PCNX2: variants seen among roughly 807,000 people sequenced by gnomAD.
The protein encoded by PCNX2 is pecanex-like protein 2.
In PCNX2, 168 loss-of-function variants were observed where a neutral mutation model predicts 223.8. That is an observed-to-expected ratio of 0.75 (90% CI 0.66 to 0.85). The LOEUF is 0.85. Among genes scored for constraint, PCNX2 ranks in the 40% least tolerant of loss-of-function variants. The probability of loss-of-function intolerance (pLI) is 0.00; values close to 1 mark genes in which losing one functional copy is unlikely to be tolerated. For synonymous variants in PCNX2, 1,006 were observed against 1,052.6 expected, an observed-to-expected ratio of 0.96 and a Z score of 0.86; for missense variants, 2,507 against 2,675.5, an observed-to-expected ratio of 0.94 and a Z score of 1.39.
At chr1:233,173,063 T>C (rs1358478023) in intron 17 of PCNX2, among the ~76,000 whole-genome samples, 2 of 152,204 alleles carry the variant, frequency 1.3e-5, no homozygotes, top group Non-Finnish European at 2.9e-5. Flanking sequence ...ACATAATACA[T>C]TCATAAAAGA....
At chr1:233,137,690 T>A (rs938523088) in intron 20 of PCNX2, among the ~76,000 whole-genome samples, 4 of 152,166 alleles carry the variant, frequency 2.6e-5, no homozygotes, top group Admixed American at 2.6e-4. Flanking sequence ...AGACTGCACT[T>A]AGCTGAAGGT....
At chr1:233,203,708 T>C (rs1486130309) in intron 13 of PCNX2, among the ~76,000 whole-genome samples, 1 of 152,190 alleles carries the variant, frequency 6.6e-6, no homozygotes, top group African/African-American at 2.4e-5. Context: ...ATTTGATCTC[T>C]TCTGCACAAG....
intron 8 of PCNX2, among the ~76,000 whole-genome samples, chr1:233,244,531 CA>C (rs1459016881): frequency 2.0e-5 from 3 of 151,992 alleles, no homozygotes; most frequent in Non-Finnish European, 4.4e-5. Flanking sequence ...GCCAACATGA[CA>C]AAACCCCGTC....
intron 26 of PCNX2, among the ~76,000 whole-genome samples, chr1:233,024,909 A>G (rs1230123831): frequency 6.6e-6 from 1 of 152,230 alleles, no homozygotes; most frequent in African/African-American, 2.4e-5. Context: ...GACCTAGATA[A>G]GAAAACAAAC....
At chr1:233,301,027 T>C in the PCNX2 span, among the ~76,000 whole-genome samples, 1 of 152,118 alleles carries the variant, frequency 6.6e-6, no homozygotes, top group East Asian at 1.9e-4. Flanking sequence ...GTAGGAGAAG[T>C]CATACCTGCT....
intron 15 of PCNX2, among the ~76,000 whole-genome samples, chr1:233,181,853 C>G (rs1679821751): frequency 6.6e-6 from 1 of 152,226 alleles, no homozygotes; most frequent in African/African-American, 2.4e-5. Context: ...AATCACCTCA[C>G]AAAGCCCTCG....
chr1:233,255,858 TATA>T (rs1659707358), intron 5 of PCNX2, among the ~76,000 whole-genome samples: 1 of 152,202 alleles, frequency 6.6e-6, no homozygotes, highest in Non-Finnish European at 1.5e-5. Context: ...GTTTTCAGAT[TATA>T]ATAACAAATA....
chr1:233,092,852 G>A (rs1360926569), intron 22 of PCNX2, among the ~76,000 whole-genome samples: 1 of 152,168 alleles, frequency 6.6e-6, no homozygotes, highest in Non-Finnish European at 1.5e-5. Flanking sequence ...AGGCTAGAGT[G>A]CGGTGGCACC....
intron 23 of PCNX2, among the ~76,000 whole-genome samples, chr1:233,070,350 CTATT>C (rs1672800451): frequency 6.6e-6 from 1 of 151,864 alleles, no homozygotes; most frequent in African/African-American, 2.4e-5. Flanking sequence ...AGACACTTTC[CTATT>C]TATTTCATGA....
At chr1:233,067,686 T>C (rs146535890) in intron 23 of PCNX2, among the ~76,000 whole-genome samples, 1,715 of 152,254 alleles carry the variant, frequency 0.011, 30 homozygotes, top group African/African-American at 0.039. Context: ...TTGGCCACAC[T>C]GGTCTTGAAC....
At chr1:233,309,557 A>ATAC in the PCNX2 span, among the ~76,000 whole-genome samples, 2 of 150,342 alleles carry the variant, frequency 1.3e-5, no homozygotes, top group Non-Finnish European at 3.0e-5. Context: ...AATAATAATA[A>ATAC]TAATAATAAA....
chr1:232,988,129 A>T (rs1402694851), intron 32 of PCNX2, among the ~76,000 whole-genome samples: 1 of 152,256 alleles, frequency 6.6e-6, no homozygotes, highest in African/African-American at 2.4e-5. Flanking sequence ...AATGAAAAAT[A>T]AGGAGGGCGA....
intron 8 of PCNX2, among the ~76,000 whole-genome samples, chr1:233,242,498 C>T (rs900279565): frequency 6.6e-6 from 1 of 152,136 alleles, no homozygotes; most frequent in Non-Finnish European, 1.5e-5. Context: ...ATGCATTTTG[C>T]ATGCATTTCC....
intron 19 of PCNX2, among the ~76,000 whole-genome samples, chr1:233,150,813 A>G (rs1032406623): frequency 2.0e-5 from 3 of 152,086 alleles, no homozygotes; most frequent in African/African-American, 7.2e-5. Context: ...AAAGCGGGAG[A>G]AACTCGGCAG....
chr1:233,152,544 T>C (rs1677880486), intron 19 of PCNX2, among the ~76,000 whole-genome samples: 1 of 152,236 alleles, frequency 6.6e-6, no homozygotes, highest in African/African-American at 2.4e-5. Flanking sequence ...CATGCCATGT[T>C]ACTTTAACTA....
At chr1:233,083,967 A>C (rs183540280) in intron 23 of PCNX2, among the ~76,000 whole-genome samples, 111 of 152,356 alleles carry the variant, frequency 7.3e-4, no homozygotes, top group Non-Finnish European at 1.1e-3. Context: ...AAAGCTGAAT[A>C]AGAAAAGATA....
chr1:233,141,628 G>A (rs1318700730), intron 19 of PCNX2, among the ~76,000 whole-genome samples: 2 of 152,142 alleles, frequency 1.3e-5, no homozygotes, highest in Non-Finnish European at 2.9e-5. Context: ...AGCCGAGATT[G>A]TGCCGCTGCA....
At chr1:233,288,354 A>AT (rs1357288068) in intron 1 of PCNX2, among the ~76,000 whole-genome samples, 2 of 152,154 alleles carry the variant, frequency 1.3e-5, no homozygotes, top group African/African-American at 4.8e-5. Context: ...CCAATCACTA[A>AT]TGGGGGGAAA....
At chr1:233,289,446 A>C in intron 1 of PCNX2, 1 of 1,365,396 alleles carries the variant, frequency 7.3e-7, no homozygotes, top group East Asian at 2.3e-5. Context: ...CGTACTGAAC[A>C]TGGCCTTCTC....
Sources: allele counts gnomAD v4.1 joint callset (sites outside exome capture counted in the v4.1 genomes callset), GRCh38; gene constraint gnomAD v4.1.1; transcripts MANE v1.5; gene names NCBI Gene and HGNC (gene_info 2026-07-23, HGNC 2026-07-21).